Variants in IMPG2 observed in about 807,000 individuals in gnomAD.
IMPG2 encodes interphotoreceptor matrix proteoglycan 2.
IMPG2 carries 91 observed loss-of-function variants against 129.2 expected under a neutral mutation model. That is an observed-to-expected ratio of 0.70 (90% CI 0.59 to 0.84). The LOEUF (loss-of-function observed/expected upper bound fraction) is 0.84, where lower values mean the gene tolerates loss of function less well. IMPG2 is among the 40% of genes least tolerant of loss of function. The pLI is 0.00. For missense variants in IMPG2, 1,430 were observed against 1,461.7 expected, an observed-to-expected ratio of 0.98 and a Z score of 0.35; for synonymous variants, 510 against 517.7, an observed-to-expected ratio of 0.99 and a Z score of 0.20.
intron 2 of IMPG2, among the ~76,000 whole-genome samples, chr3:101,314,389 A>T (rs1331134913): frequency 6.6e-6 from 1 of 152,138 alleles, no homozygotes; most frequent in African/African-American, 2.4e-5. Flanking sequence ...AAATCTGGTA[A>T]CCATATATAT....
chr3:101,234,669 T>C (rs1168787461), intron 14 of IMPG2, among the ~76,000 whole-genome samples: 1 of 152,216 alleles, frequency 6.6e-6, no homozygotes, highest in African/African-American at 2.4e-5. Flanking sequence ...TGTGACTTTG[T>C]AATCAGAAAA....
chr3:101,272,618 G>A (rs1233045007), intron 7 of IMPG2, among the ~76,000 whole-genome samples: 1 of 152,168 alleles, frequency 6.6e-6, no homozygotes, highest in Non-Finnish European at 1.5e-5. Context: ...TTGATGCCAG[G>A]TGGCCACTGG....
At chr3:101,233,131 A>C in intron 14 of IMPG2, 140 bp from the exon 15 acceptor site, 1 of 755,760 alleles carries the variant, frequency 1.3e-6, no homozygotes, top group South Asian at 1.5e-5. Context: ...ATCGCCACCA[A>C]TACCACACAC....
intron 3 of IMPG2, among the ~76,000 whole-genome samples, chr3:101,295,054 CT>C (rs1433847558): frequency 6.6e-6 from 1 of 152,068 alleles, no homozygotes; most frequent in Non-Finnish European, 1.5e-5. Context: ...ATGAGAGTTT[CT>C]TTTGCTGTGT....
At position 101,245,988 on chromosome 3, in the gene IMPG2, T is replaced by G. The variant is rs752173755; in HGVS notation, c.1357A>C (p.Ser453Arg). Residue 453 changes from serine (S) to arginine (R), a missense_variant, in exon 12 of 19, where the codon AGT becomes CGT. Coordinates refer to ENST00000193391, the MANE Select transcript of IMPG2 (RefSeq NM_016247.4). Reference protein sequence around the residue: ...SATGRELWSESPLGDLVSTHK... With the variant: ...SATGRELWSERPLGDLVSTHK... Reference sequence around the variant, plus strand: ...GTAGACACTAAATCACCCAAAGGACTTTCTGACCAGAGTTCCCTGCCAGTG... The same window carrying G: ...GTAGACACTAAATCACCCAAAGGACGTTCTGACCAGAGTTCCCTGCCAGTG... 6.8e-6 allele frequency: 11 copies of G among 1,614,148 alleles called. No individual in the cohort carries two copies. The Middle Eastern group carries it at 6.6e-4, about 97-fold the overall frequency.
intron 3 of IMPG2, among the ~76,000 whole-genome samples, chr3:101,295,062 G>A (rs1707064989): frequency 6.6e-6 from 1 of 152,150 alleles, no homozygotes; most frequent in African/African-American, 2.4e-5. Flanking sequence ...TTCTTTTGCT[G>A]TGTGGAAGTT....
At chr3:101,273,779 TTA>T (rs765450038) in intron 6 of IMPG2, 37 bp from the exon 7 acceptor site, 1 of 1,581,828 alleles carries the variant, frequency 6.3e-7, no homozygotes, top group Non-Finnish European at 8.7e-7. Flanking sequence ...ATGTCAAGGC[TTA>T]TTCATTCAAT....
intron 14 of IMPG2, among the ~76,000 whole-genome samples, chr3:101,235,176 C>T (rs1201503423): frequency 5.3e-5 from 8 of 152,208 alleles, no homozygotes; most frequent in African/African-American, 1.7e-4. Context: ...TGTGGTTGTT[C>T]GGCATCACCA....
rs953765014 is a variant in IMPG2 at position 101,225,617 on chromosome 3, T to C, written c.*1352A>G. The C allele has an allele frequency of 2.0e-5, 3 of 152,232 alleles. No individual in the cohort carries two copies. The highest frequency in any genetic ancestry group is 6.5e-5 in the Admixed American group (1 of 15,286). The allele number at this position is 152,232 out of a possible 1,614,324, so 9.4% of individuals were successfully genotyped here. On this transcript the variant is annotated 3_prime_UTR_variant, in exon 19 of 19. Transcript: ENST00000193391. ...AAAGTGAACCAAGTATTTTATCTTA[T>C]GGTCAGTTTATACTGGTTATTTATA...
chr3:101,255,786 A>C (rs1706591997), intron 10 of IMPG2, among the ~76,000 whole-genome samples: 1 of 152,064 alleles, frequency 6.6e-6, no homozygotes, highest in Non-Finnish European at 1.5e-5. Flanking sequence ...ATTCCAACAG[A>C]GATTCAACAA....
Position 101,242,675 on chromosome 3 carries a change from G to C in IMPG2, c.3022+13C>G. The C allele has an allele frequency of 1.9e-6, 3 of 1,566,824 alleles. No homozygotes were observed. The highest frequency in any genetic ancestry group is 2.6e-6 in the Non-Finnish European group (3 of 1,137,122). On this transcript the variant is annotated intron_variant, in intron 14 of 18. Coordinates refer to ENST00000193391, the MANE Select transcript of IMPG2 (RefSeq NM_016247.4). ...ATTCTACTAAGAAACCACCATGCTA[G>C]GCAATATCATACCTGATTCCACATC... is the stretch of plus-strand genomic sequence containing the variant.
chr3:101,284,695 A>G (rs1206505339), intron 4 of IMPG2, among the ~76,000 whole-genome samples: 4 of 152,206 alleles, frequency 2.6e-5, no homozygotes, highest in Non-Finnish European at 5.9e-5. Flanking sequence ...TAAAAGAAGT[A>G]ATATTCCTTG....
chr3:101,237,263 T>C (rs1233242348), intron 14 of IMPG2, among the ~76,000 whole-genome samples: 4 of 152,084 alleles, frequency 2.6e-5, no homozygotes, highest in East Asian at 1.9e-4. Flanking sequence ...ACAGAGTACC[T>C]GGGGGAAGGG....
chr3:101,284,565 CA>C (rs59576034), intron 4 of IMPG2, among the ~76,000 whole-genome samples: 9 of 150,974 alleles, frequency 6.0e-5, no homozygotes, highest in African/African-American at 1.9e-4. Flanking sequence ...ATATGAACAA[CA>C]AAAAAAAACA....
chr3:101,286,317 TGTGA>T (rs1248575036), intron 4 of IMPG2, among the ~76,000 whole-genome samples: 2 of 152,294 alleles, frequency 1.3e-5, no homozygotes, highest in South Asian at 4.1e-4. Flanking sequence ...TGTCCATTCT[TGTGA>T]GTAAGAAGCT....
intron 9 of IMPG2, among the ~76,000 whole-genome samples, chr3:101,266,729 T>C (rs1475611907): frequency 1.3e-5 from 2 of 152,086 alleles, no homozygotes; most frequent in Non-Finnish European, 2.9e-5. Context: ...GGACCATGGC[T>C]TGAGATAGCC....
chr3:101,303,149 A>C (rs907421367), intron 3 of IMPG2, among the ~76,000 whole-genome samples: 1 of 152,208 alleles, frequency 6.6e-6, no homozygotes, highest in African/African-American at 2.4e-5. Context: ...AGTACTTAAA[A>C]TAATCTTCAT....
chr3:101,292,035 G>A (rs779969941), intron 3 of IMPG2, among the ~76,000 whole-genome samples: 1 of 152,158 alleles, frequency 6.6e-6, no homozygotes, highest in Non-Finnish European at 1.5e-5. Context: ...AATTAGGATT[G>A]TTATTTTGAG....
intron 4 of IMPG2, among the ~76,000 whole-genome samples, chr3:101,282,208 T>C (rs1706900186): frequency 6.6e-6 from 1 of 152,156 alleles, no homozygotes; most frequent in African/African-American, 2.4e-5. Flanking sequence ...TTGTGGTCCA[T>C]GGAAATCGTG....
Sources: gnomAD v4.1 joint callset for allele counts (sites outside exome capture counted in the v4.1 genomes callset) on GRCh38, gnomAD v4.1.1 for gene constraint, MANE v1.5 for transcripts, NCBI Gene and HGNC (gene_info 2026-07-23, HGNC 2026-07-21) for gene names.